Variants in COG4 observed in about 807,000 individuals in gnomAD.
COG4 encodes component of oligomeric golgi complex 4.
Under a neutral mutation model 95.1 loss-of-function variants are expected in COG4, and 65 were observed. That is an observed-to-expected ratio of 0.68 (90% confidence interval 0.56 to 0.84). COG4 has a LOEUF of 0.84. Ranked by LOEUF, COG4 falls within the 40% of genes least tolerant of loss-of-function variation. COG4 has a pLI of 0.00. For synonymous variants in COG4, 421 were observed against 374.8 expected (o/e 1.12, Z -1.42); for missense variants, 1,045 against 989.1 (o/e 1.06, Z -0.76).
At chr16:70,512,569 G>T in intron 4 of COG4, 137 bp from the exon 5 acceptor site, 1 of 745,504 alleles carries the variant, frequency 1.3e-6, no homozygotes, top group Non-Finnish European at 2.4e-6. Context: ...CTAGTAATAT[G>T]CATGATTACA....
chr16:70,481,366 A>G lies in COG4; in HGVS notation c.2228T>C (p.Leu743Pro), dbSNP rs2151736831. The G allele has an allele frequency of 6.2e-7, 1 of 1,612,650 alleles. No individual in the cohort carries two copies. The highest frequency in any genetic ancestry group is 2.2e-5 in the East Asian group (1 of 44,842). Reference protein sequence around the residue: ...RLSQMATILNLERVTEILDYW... With the variant: ...RLSQMATILNPERVTEILDYW... ...CAAGGGTGCCCCACCTACCCGCTCC[A>G]GATTGAGGATGGTGGCCATCTGGGA... The change falls in exon 18 of 19, where the codon CTG becomes CCG. Residue 743 changes from leucine to proline, a missense_variant. Coordinates refer to ENST00000323786, the MANE Select transcript of COG4 (RefSeq NM_015386.3).
intron 8 of COG4, among the ~76,000 whole-genome samples, chr16:70,503,429 C>T (rs1567384545): frequency 6.6e-6 from 1 of 152,172 alleles, no homozygotes; most frequent in South Asian, 2.1e-4. Flanking sequence ...AGACTCTTAA[C>T]AGCCTGACTC....
At chr16:70,520,627 T>C (rs1468233223) in intron 1 of COG4, among the ~76,000 whole-genome samples, 1 of 149,892 alleles carries the variant, frequency 6.7e-6, no homozygotes, top group African/African-American at 2.5e-5. Flanking sequence ...AGTGAAACGC[T>C]GTCTCAAAAA....
At chr16:70,517,872 TACTCAGCTTTTTCTC>T in intron 2 of COG4, 132 bp from the exon 3 acceptor site, 1 of 685,282 alleles carries the variant, frequency 1.5e-6, no homozygotes, top group Non-Finnish European at 2.6e-6. Context: ...GTTTGCTCTA[TACTCAGCTTTTTCTC>T]AAGAACGTTT....
At chr16:70,519,509 G>A (rs529505382) in intron 2 of COG4, 140 bp downstream of exon 2, 13 of 703,962 alleles carry the variant, frequency 1.8e-5, no homozygotes, top group South Asian at 1.8e-4. Flanking sequence ...ATACCCTTAG[G>A]TGTTCACTTT....
chr16:70,510,966 T>C (rs1469420727), intron 5 of COG4, among the ~76,000 whole-genome samples: 3 of 152,098 alleles, frequency 2.0e-5, no homozygotes, highest in Non-Finnish European at 4.4e-5. Context: ...GGTTTCACCA[T>C]GTTGGCCAGG....
At chr16:70,484,872 G>A (rs892310955) in intron 13 of COG4, among the ~76,000 whole-genome samples, 4 of 152,004 alleles carry the variant, frequency 2.6e-5, no homozygotes, top group African/African-American at 9.7e-5. Context: ...ACTCCAGCCC[G>A]GGCAGCAGAG....
rs1213434600 is a variant in COG4 at position 70,515,027 on chromosome 16, T to C, written c.370-518A>G. Among the ~76,000 whole-genome samples the C allele has an allele frequency of 4.0e-5, 6 of 150,612 alleles. No homozygotes were observed. In the East Asian group the frequency reaches 1.2e-3, roughly 29 times the overall value. On this transcript the variant is annotated intron_variant, in intron 3 of 18. Transcript: ENST00000323786. Reference sequence around the variant, plus strand: ...CAGAGCCCAACTTTTTTTTTTTTTTTCTTCTTGAGACAGAGTCTCACTCTG... The same window carrying C: ...CAGAGCCCAACTTTTTTTTTTTTTTCCTTCTTGAGACAGAGTCTCACTCTG...
chr16:70,511,392 T>A (rs1221205866), intron 5 of COG4, among the ~76,000 whole-genome samples: 1 of 152,168 alleles, frequency 6.6e-6, no homozygotes, highest in African/African-American at 2.4e-5. Context: ...AATGGTCTGA[T>A]AATTTTTTTG....
At chr16:70,484,824 A>C (rs1050741892) in intron 13 of COG4, among the ~76,000 whole-genome samples, 62 of 152,126 alleles carry the variant, frequency 4.1e-4, no homozygotes, top group Non-Finnish European at 6.5e-4. Context: ...CCTTGAGCCC[A>C]AGGGTTCAAG....
chr16:70,517,920 C>T (rs2049858370), intron 2 of COG4, among the ~76,000 whole-genome samples, 180 bp from the exon 3 acceptor site: 1 of 151,158 alleles, frequency 6.6e-6, no homozygotes, highest in Non-Finnish European at 1.5e-5. Flanking sequence ...AGACCTATAC[C>T]TGATAAAAAA....
At chr16:70,496,540 G>T in intron 11 of COG4, 109 bp from the exon 12 acceptor site, 1 of 1,111,004 alleles carries the variant, frequency 9.0e-7, no homozygotes, top group Non-Finnish European at 1.3e-6. Flanking sequence ...CTCTTTTAGG[G>T]GGAATAACCA....
At chr16:70,488,873 T>C (rs2049187955) in intron 13 of COG4, among the ~76,000 whole-genome samples, 1 of 152,180 alleles carries the variant, frequency 6.6e-6, no homozygotes, top group Non-Finnish European at 1.5e-5. Context: ...TTTTTAACTG[T>C]TAATACAACT....
intron 1 of COG4, among the ~76,000 whole-genome samples, chr16:70,522,443 CCT>C (rs755906049): frequency 1.1e-4 from 17 of 152,126 alleles, no homozygotes; most frequent in Non-Finnish European, 2.4e-4. Context: ...AGAGAGCGGC[CCT>C]GTTTCTAAAA....
Position 70,508,396 on chromosome 16 carries a change from G to T in COG4, c.1061+10C>A. ...CTCCTGTGGGCTGAAGAAGAGAGAAGGATTATTACCTTGGTTCGATTTTTT... is the reference window on the plus strand; with the variant it reads ...CTCCTGTGGGCTGAAGAAGAGAGAATGATTATTACCTTGGTTCGATTTTTT... On this transcript the variant is annotated intron_variant, in intron 8 of 18. Transcript: ENST00000323786. 1 of 1,611,572 alleles carries T rather than the reference G, an allele frequency of 6.2e-7. No homozygotes were observed. Among genetic ancestry groups the T allele is most frequent in the South Asian group, 1.1e-5 (1 of 91,022 alleles).
At chr16:70,508,644 G>A in intron 7 of COG4, 180 bp from the exon 8 acceptor site, 1 of 693,954 alleles carries the variant, frequency 1.4e-6, no homozygotes, top group African/African-American at 1.8e-5. Flanking sequence ...TTGTTTTTGG[G>A]TTGGATGCTA....
intron 17 of COG4, 26 bp downstream of exon 17, chr16:70,481,738 G>A (rs199671282): frequency 2.9e-5 from 46 of 1,586,504 alleles, no homozygotes; most frequent in South Asian, 1.0e-4. Context: ...AACGAGAGCC[G>A]CAGACCCATG....
Position 70,481,807 on chromosome 16 carries a change from G to C in COG4, c.2063C>G (p.Ala688Gly). ...SLTGLMTSLV[A>G]VELEKVVLKS... ...CAGCACCACTTTCTCCAACTCGACGGCAACAAGGCTAGTCATGAGGCCGGT... is the reference window on the plus strand; with the variant it reads ...CAGCACCACTTTCTCCAACTCGACGCCAACAAGGCTAGTCATGAGGCCGGT... The change falls in exon 17 of 19, where the codon GCC (alanine) becomes GGC (glycine). Residue 688 changes from alanine (A) to glycine (G), a missense_variant. Ala to Gly is a moderately conservative substitution (Grantham distance 60). Coordinates refer to ENST00000323786, the MANE Select transcript of COG4 (RefSeq NM_015386.3). 1 of 1,614,060 alleles carries C rather than the reference G, an allele frequency of 6.2e-7. No individual in the cohort carries two copies. The highest frequency in any genetic ancestry group is 8.5e-7 in the Non-Finnish European group (1 of 1,180,008).
chr16:70,519,475 G>C (rs1009349692), intron 2 of COG4, among the ~76,000 whole-genome samples, 174 bp downstream of exon 2: 5 of 152,162 alleles, frequency 3.3e-5, no homozygotes, highest in African/African-American at 1.2e-4. Context: ...CTGGTCCAAG[G>C]ACTGTTTGAA....
Sources: allele counts gnomAD v4.1 joint callset (sites outside exome capture counted in the v4.1 genomes callset), GRCh38; gene constraint gnomAD v4.1.1; transcripts MANE v1.5; gene names NCBI Gene and HGNC (gene_info 2026-07-23, HGNC 2026-07-21).